The following NBAS variants were observed in gnomAD, a reference collection of about 807,000 sequenced individuals.
NBAS encodes the protein NBAS subunit of NRZ tethering complex.
A neutral mutation model predicts 302.5 loss-of-function variants in NBAS; 219 were observed. That is an observed-to-expected ratio of 0.72 (90% CI 0.65 to 0.81). The LOEUF is 0.81. Ranked by LOEUF, NBAS falls within the 30% of genes least tolerant of loss-of-function variation. The pLI is 0.00. For missense variants in NBAS, 2,932 were observed against 2,841.6 expected (o/e 1.03, Z -0.72); for synonymous variants, 1,118 against 1,021.6 (o/e 1.09, Z -1.80).
the NBAS span, among the ~76,000 whole-genome samples, chr2:15,004,756 C>G: frequency 6.6e-6 from 1 of 151,428 alleles, no homozygotes; most frequent in African/African-American, 2.4e-5. Context: ...CGATCCACCC[C>G]CCCTTGGCTT....
At chr2:15,270,964 A>G (rs1669290948) in intron 44 of NBAS, among the ~76,000 whole-genome samples, 1 of 152,208 alleles carries the variant, frequency 6.6e-6, no homozygotes, top group Admixed American at 6.5e-5. Context: ...CTCATGGTGA[A>G]AGAGGTACTG....
At chr2:15,340,293 T>G (rs1672784487) in intron 35 of NBAS, among the ~76,000 whole-genome samples, 1 of 152,084 alleles carries the variant, frequency 6.6e-6, no homozygotes, top group African/African-American at 2.4e-5. Flanking sequence ...CAATTCTGAG[T>G]CCACTGTGAA....
At chr2:15,020,719 G>T in the NBAS span, among the ~76,000 whole-genome samples, 2 of 152,112 alleles carry the variant, frequency 1.3e-5, no homozygotes, top group Non-Finnish European at 2.9e-5. Context: ...ATATGAGAGT[G>T]GCTTTTGTGG....
chr2:14,944,940 T>C, the NBAS span, among the ~76,000 whole-genome samples: 2 of 152,164 alleles, frequency 1.3e-5, no homozygotes, highest in African/African-American at 4.8e-5. Flanking sequence ...TCTGCCGTAA[T>C]GCAGGAGAAG....
the NBAS span, among the ~76,000 whole-genome samples, chr2:14,789,058 C>T: frequency 6.6e-6 from 1 of 152,230 alleles, no homozygotes; most frequent in Non-Finnish European, 1.5e-5. Flanking sequence ...CCCCCAGCCT[C>T]GCTGCCGCCT....
the NBAS span, among the ~76,000 whole-genome samples, chr2:15,029,911 C>T: frequency 2.0e-5 from 3 of 152,214 alleles, no homozygotes; most frequent in Non-Finnish European, 2.9e-5. Flanking sequence ...GCTTTCAACA[C>T]AGACTCTCGA....
chr2:15,174,785 T>C (rs1664453858), intron 51 of NBAS, among the ~76,000 whole-genome samples: 1 of 152,212 alleles, frequency 6.6e-6, no homozygotes, highest in Non-Finnish European at 1.5e-5. Flanking sequence ...ACTAGCTGTG[T>C]GACCCCTGAG....
intron 40 of NBAS, among the ~76,000 whole-genome samples, chr2:15,303,439 CACCA>C (rs1670897099): frequency 6.6e-6 from 1 of 152,168 alleles, no homozygotes; most frequent in South Asian, 2.1e-4. Context: ...ACACACTTTC[CACCA>C]AGTGGAAAGA....
rs763061418 is a variant in NBAS, at chr2:15,536,429, A to C, written c.636T>G (p.Ser212Arg). 1.9e-6 allele frequency: 3 copies of C among 1,613,554 alleles called. No individual in the cohort carries two copies. Among genetic ancestry groups the C allele is most frequent in the Non-Finnish European group, 2.5e-6 (3 of 1,179,944 alleles). ...LVINYRGELR[S>R]YLVSVGTNQS... ...AAGCACATTTTTACCTTACAAGGTA[A>C]CTTCTAAGTTCTCCTCGGTAATTGA... is the stretch of plus-strand genomic sequence containing the variant. The change falls in exon 8 of 52, where the codon AGT (serine) becomes AGG (arginine). Residue 212 changes from serine (S) to arginine (R), a missense_variant. Ser to Arg is a moderately radical substitution (Grantham distance 110). Coordinates refer to ENST00000281513, the MANE Select transcript of NBAS (RefSeq NM_015909.4).
chr2:15,356,494 C>A lies in NBAS; in HGVS notation c.3818-78G>T. ...AGAAGAGCTTGTTAACACTGTCTTT[C>A]AAATTACTTAAAAAATAAAACAGAG... is the stretch of plus-strand genomic sequence containing the variant. On this transcript the variant is annotated intron_variant, in intron 32 of 51. Coordinates refer to ENST00000281513, the MANE Select transcript of NBAS (RefSeq NM_015909.4). 4 of 987,980 alleles carry A rather than the reference C, an allele frequency of 4.0e-6. No homozygotes were observed. The South Asian group carries it at 5.3e-5, about 13-fold the overall frequency. The allele number at this position is 987,980 out of a possible 1,614,324, so 61.2% of individuals were successfully genotyped here.
intron 11 of NBAS, among the ~76,000 whole-genome samples, chr2:15,503,144 T>C (rs1399436208): frequency 6.6e-6 from 1 of 152,212 alleles, no homozygotes; most frequent in Non-Finnish European, 1.5e-5. Flanking sequence ...TTAGGGATGG[T>C]AACACTCATG....
rs549857313 is a variant in NBAS at position 15,467,204 on chromosome 2, T to C, written c.2097+125A>G. 88 of 743,752 alleles carry C rather than the reference T, an allele frequency of 1.2e-4. No individual in the cohort carries two copies. The South Asian group carries it at 1.4e-3, about 11-fold the overall frequency. 46.1% of individuals were successfully genotyped at this position (743,752 alleles called of 1,614,324 possible). On this transcript the variant is annotated intron_variant, in intron 19 of 51. Transcript: ENST00000281513. ...TAGTATATAAGAGAACTTGCTTCTA[T>C]AAGAAATTAATTTTTCCCAGAAAAA... is the stretch of plus-strand genomic sequence containing the variant.
chr2:15,018,080 T>TA, the NBAS span, among the ~76,000 whole-genome samples: 49 of 151,814 alleles, frequency 3.2e-4, no homozygotes, highest in Admixed American at 2.6e-4. Context: ...TGTAGAAACT[T>TA]AAAAAAAGTG....
the NBAS span, among the ~76,000 whole-genome samples, chr2:15,150,509 T>C: frequency 2.6e-5 from 4 of 152,168 alleles, no homozygotes; most frequent in South Asian, 4.1e-4. Flanking sequence ...AATTGGTATT[T>C]AAGAGGATGT....
the NBAS span, among the ~76,000 whole-genome samples, chr2:14,878,690 A>G: frequency 6.6e-6 from 1 of 152,298 alleles, no homozygotes; most frequent in East Asian, 1.9e-4. Flanking sequence ...GGAATGCTTA[A>G]AAGTAATGGC....
Position 15,264,106 on chromosome 2 carries a change from T to A in NBAS, c.5724+11378A>T, listed in dbSNP as rs114452792. On this transcript the variant is annotated intron_variant, in intron 44 of 51. Coordinates refer to ENST00000281513, the MANE Select transcript of NBAS (RefSeq NM_015909.4). Reference sequence around the variant, plus strand: ...AATGGAAGAGCAAAGGGAGTCCAAGTCACTAAAGATTTACAGTTGAGTAAT... The same window carrying A: ...AATGGAAGAGCAAAGGGAGTCCAAGACACTAAAGATTTACAGTTGAGTAAT... 6.9e-3 allele frequency among the ~76,000 whole-genome samples: 1,053 copies of A among 152,298 alleles called. 11 individuals are homozygous for A. Among genetic ancestry groups the A allele is most frequent in the African/African-American group, 0.023 (951 of 41,562 alleles).
intron 35 of NBAS, among the ~76,000 whole-genome samples, chr2:15,345,234 G>A (rs368023189): frequency 1.3e-5 from 2 of 152,070 alleles, no homozygotes; most frequent in African/African-American, 4.8e-5. Context: ...GTTTGCAGAC[G>A]ACCTGATTTT....
At chr2:15,283,146 C>T (rs1365964724) in intron 42 of NBAS, among the ~76,000 whole-genome samples, 1 of 152,098 alleles carries the variant, frequency 6.6e-6, no homozygotes, top group Non-Finnish European at 1.5e-5. Context: ...TACAAAGATA[C>T]TAAGTAATAA....
intron 46 of NBAS, among the ~76,000 whole-genome samples, chr2:15,233,676 T>G (rs1010470803): frequency 6.6e-6 from 1 of 152,134 alleles, no homozygotes; most frequent in Non-Finnish European, 1.5e-5. Flanking sequence ...TTGTTCTTTT[T>G]TAGAAAAAGT....
Sources: allele counts gnomAD v4.1 joint callset (sites outside exome capture counted in the v4.1 genomes callset), GRCh38; gene constraint gnomAD v4.1.1; transcripts MANE v1.5; gene names NCBI Gene and HGNC (gene_info 2026-07-23, HGNC 2026-07-21).